Variants in USP34 observed in about 807,000 individuals in gnomAD.
USP34 encodes ubiquitin specific peptidase 34, also known as ubiquitin carboxyl-terminal hydrolase 34.
A neutral mutation model predicts 460.3 loss-of-function variants in USP34; 70 were observed. That is an observed-to-expected ratio of 0.15 (90% CI 0.13 to 0.19). USP34 has a LOEUF of 0.19. Among genes scored for constraint, USP34 ranks in the 10% least tolerant of loss-of-function variants. USP34 has a pLI of 1.00. For missense variants in USP34, 3,985 were observed against 4,236.2 expected (o/e 0.94, Z 1.65); for synonymous variants, 1,647 against 1,405.3 (o/e 1.17, Z -3.85).
chr2:61,348,379 C>T lies in USP34; in HGVS notation c.1776G>A (p.Glu592=), dbSNP rs1214579225. 2 of 1,614,018 alleles carry T rather than the reference C, an allele frequency of 1.2e-6. No individual in the cohort carries two copies. Among genetic ancestry groups the T allele is most frequent in the Non-Finnish European group, 8.5e-7 (1 of 1,180,038 alleles). Residue 592 remains glutamate, a synonymous_variant, in exon 15 of 80, where the codon GAG becomes GAA. Transcript: ENST00000398571. ...ACTGGCTTGCGTGGCTAGAATTAACCTCATTGCTAGATCCATCACTATGCC... is the reference window on the plus strand; with the variant it reads ...ACTGGCTTGCGTGGCTAGAATTAACTTCATTGCTAGATCCATCACTATGCC... The part of the protein sequence containing the change: ...SSGHSDGSSN[E]VNSSHASQSA...
intron 1 of USP34, among the ~76,000 whole-genome samples, chr2:61,437,659 G>C (rs1020642634): frequency 3.3e-5 from 5 of 152,034 alleles, no homozygotes; most frequent in African/African-American, 4.8e-5. Context: ...TGCAGTCCCA[G>C]CTAGTCGGGA....
At chr2:61,307,654 A>C (rs1482286293) in intron 27 of USP34, among the ~76,000 whole-genome samples, 2 of 152,130 alleles carry the variant, frequency 1.3e-5, no homozygotes, top group Non-Finnish European at 2.9e-5. Flanking sequence ...GGCAAAATAA[A>C]CATTTTTAGA....
intron 2 of USP34, among the ~76,000 whole-genome samples, chr2:61,416,148 T>G (rs1445646116): frequency 6.6e-6 from 1 of 152,228 alleles, no homozygotes; most frequent in Non-Finnish European, 1.5e-5. Context: ...TGAAAAGAAC[T>G]ACTTTAAACA....
At chr2:61,300,450 G>C (rs554112223) in intron 29 of USP34, among the ~76,000 whole-genome samples, 9 of 149,600 alleles carry the variant, frequency 6.0e-5, no homozygotes, top group African/African-American at 2.2e-4. Context: ...GCCTCCCAAA[G>C]TGCTGGGATC....
At chr2:61,350,453 C>T (rs1453374191) in intron 11 of USP34, 64 bp from the exon 12 acceptor site, 2 of 1,568,896 alleles carry the variant, frequency 1.3e-6, no homozygotes, top group Non-Finnish European at 1.7e-6. Context: ...ATTTAATATC[C>T]TTTTTGTCAA....
intron 1 of USP34, among the ~76,000 whole-genome samples, chr2:61,461,871 T>C (rs922570500): frequency 6.6e-5 from 10 of 152,200 alleles, no homozygotes; most frequent in African/African-American, 9.7e-5. Flanking sequence ...AGATGTACAT[T>C]TGCGGCATTA....
At chr2:61,425,957 C>T (rs1573029486) in intron 1 of USP34, among the ~76,000 whole-genome samples, 1 of 151,756 alleles carries the variant, frequency 6.6e-6, no homozygotes, top group Admixed American at 6.6e-5. Flanking sequence ...AGACAGGGCA[C>T]CGCTCAGAGT....
intron 1 of USP34, among the ~76,000 whole-genome samples, chr2:61,451,238 A>AAAAAAAAAAAAAAAAAAAAAT (rs1695266613): frequency 6.6e-6 from 1 of 150,604 alleles, no homozygotes. Context: ...AAAAAAAAAA[A>AAAAAAAAAAAAAAAAAAAAAT]AAAAAAAGAA....
chr2:61,358,087 G>A (rs967561274), intron 10 of USP34, among the ~76,000 whole-genome samples: 1 of 152,146 alleles, frequency 6.6e-6, no homozygotes, highest in Admixed American at 6.5e-5. Flanking sequence ...AGCTACTCAG[G>A]AGGCTGAGAC....
In USP34 at chr2:61,416,919, A is replaced by G. The variant is rs879021195; in HGVS notation, c.131+3827T>C. 41 of 1,091,940 alleles carry G rather than the reference A, an allele frequency of 3.8e-5. No individual in the cohort carries two copies. The South Asian group carries it at 4.7e-4, about 12-fold the overall frequency. 67.6% of individuals were successfully genotyped at this position (1,091,940 alleles called of 1,614,324 possible). On this transcript the variant is annotated intron_variant, in intron 2 of 79. Transcript: ENST00000398571. ...GGGCCAGCCACTTGTCCAGAGGGCC[A>G]TGAATGGCGACATACTTGACCCCAC...
chr2:61,333,781 C>G, intron 19 of USP34, 101 bp downstream of exon 19: 1 of 735,926 alleles, frequency 1.4e-6, no homozygotes. Context: ...CTCAAATTTT[C>G]CTGGTACAGA....
At chr2:61,203,410 GT>G in intron 74 of USP34, 147 bp from the exon 75 acceptor site, 1 of 747,520 alleles carries the variant, frequency 1.3e-6, no homozygotes, top group East Asian at 3.3e-5. Context: ...TTCTAGTAAT[GT>G]TATGATCTTA....
At chr2:61,243,880 A>G (rs970858681) in intron 51 of USP34, among the ~76,000 whole-genome samples, 3 of 151,758 alleles carry the variant, frequency 2.0e-5, no homozygotes, top group Admixed American at 6.6e-5. Context: ...AAAAAAAAAA[A>G]GGAGACATTC....
At chr2:61,375,768 C>CAAAAAAAAA (rs56304309) in intron 8 of USP34, among the ~76,000 whole-genome samples, 60 of 80,848 alleles carry the variant, frequency 7.4e-4, no homozygotes, top group African/African-American at 2.0e-3. Flanking sequence ...GACTCTGTCT[C>CAAAAAAAAA]AAAAAAAAAA....
intron 41 of USP34, among the ~76,000 whole-genome samples, chr2:61,272,032 C>T (rs1174506916): frequency 3.3e-5 from 5 of 152,196 alleles, no homozygotes; most frequent in South Asian, 2.1e-4. Context: ...TTGGTTTTAC[C>T]GCCTATTACC....
chr2:61,242,451 TAATA>T (rs1212321562), intron 51 of USP34, among the ~76,000 whole-genome samples: 1 of 100,270 alleles, frequency 1.0e-5, no homozygotes, highest in Non-Finnish European at 1.9e-5. Flanking sequence ...CAACCAAAGA[TAATA>T]CATACACACA....
At chr2:61,327,841 C>T (rs1348318960) in intron 20 of USP34, among the ~76,000 whole-genome samples, 1 of 152,186 alleles carries the variant, frequency 6.6e-6, no homozygotes, top group African/African-American at 2.4e-5. Flanking sequence ...TGGGCTTGTC[C>T]ATGGCTTCTG....
intron 21 of USP34, among the ~76,000 whole-genome samples, chr2:61,320,515 T>C (rs1054819432): frequency 4.6e-5 from 7 of 152,184 alleles, no homozygotes; most frequent in African/African-American, 1.2e-4. Context: ...TCCTCATTAA[T>C]GTTAAAACAT....
chr2:61,429,457 A>G (rs1694603812), intron 1 of USP34, among the ~76,000 whole-genome samples: 1 of 152,152 alleles, frequency 6.6e-6, no homozygotes, highest in Non-Finnish European at 1.5e-5. Flanking sequence ...AAAAAATAAA[A>G]TAAGATAAAA....
Sources: gnomAD v4.1 joint callset for allele counts (sites outside exome capture counted in the v4.1 genomes callset) on GRCh38, gnomAD v4.1.1 for gene constraint, MANE v1.5 for transcripts, NCBI Gene and HGNC (gene_info 2026-07-23, HGNC 2026-07-21) for gene names.